The following TLK1 variants were observed in gnomAD, a reference collection of about 807,000 sequenced individuals.
The protein encoded by TLK1 is tousled like kinase 1.
Under a neutral mutation model 105.3 loss-of-function variants are expected in TLK1, and 24 were observed. That is an observed-to-expected ratio of 0.23 (90% CI 0.17 to 0.32). The LOEUF (loss-of-function observed/expected upper bound fraction) is 0.32. TLK1 is among the 10% of genes least tolerant of loss of function. TLK1 has a pLI of 1.00. For missense variants in TLK1, 558 were observed against 910.5 expected (o/e 0.61, Z 4.98); for synonymous variants, 321 against 310.4 (o/e 1.03, Z -0.36).
intron 11 of TLK1, among the ~76,000 whole-genome samples, chr2:171,037,861 G>C (rs527527687): frequency 6.6e-6 from 1 of 151,866 alleles, no homozygotes; most frequent in Non-Finnish European, 1.5e-5. Context: ...AGATTATGTC[G>C]GCCTCAGAAA....
chr2:171,086,361 C>T (rs1012052799), intron 2 of TLK1, among the ~76,000 whole-genome samples: 9 of 152,152 alleles, frequency 5.9e-5, no homozygotes, highest in Admixed American at 3.9e-4. Context: ...TGCAGTGGCT[C>T]GCGCCTGTAA....
intron 2 of TLK1, among the ~76,000 whole-genome samples, chr2:171,103,283 A>AT (rs964633208): frequency 2.5e-5 from 3 of 120,394 alleles, no homozygotes; most frequent in Admixed American, 1.6e-4. Flanking sequence ...TATATATATA[A>AT]TTTTTTTTGA....
chr2:171,007,163 A>G, intron 14 of TLK1, 100 bp from the exon 15 acceptor site: 1 of 849,590 alleles, frequency 1.2e-6, no homozygotes, highest in East Asian at 2.6e-5. Flanking sequence ...ATATGGAATT[A>G]GGACAAACCC....
intron 1 of TLK1, among the ~76,000 whole-genome samples, chr2:171,143,437 C>T (rs929356006): frequency 1.5e-5 from 2 of 134,082 alleles, no homozygotes; most frequent in African/African-American, 5.5e-5. Flanking sequence ...ACCCAGGAGG[C>T]AGAGGTTGCA....
At position 171,229,891 on chromosome 2, in the gene TLK1, C is replaced by T. The variant is rs111362525; in HGVS notation, c.-6+1254G>A. On this transcript the variant is annotated intron_variant, in intron 1 of 20. Transcript: ENST00000521943. The stretch of plus-strand genomic sequence containing the variant: ...AGACTTTCTGATTTTGCACAAAGCT[C>T]CAGGTTCTACCATGCACAAGGCCTT... Among the ~76,000 whole-genome samples, 948 of 152,274 alleles carry T rather than the reference C, an allele frequency of 6.2e-3. 3 individuals carry two copies. Among genetic ancestry groups the T allele is most frequent in the Non-Finnish European group, 0.011 (740 of 68,024 alleles).
intron 11 of TLK1, among the ~76,000 whole-genome samples, chr2:171,034,163 C>G (rs940297251): frequency 6.6e-6 from 1 of 152,076 alleles, no homozygotes; most frequent in Non-Finnish European, 1.5e-5. Flanking sequence ...AATTGTCATG[C>G]TGATGGGAAT....
At chr2:171,035,053 G>C (rs1156903889) in intron 11 of TLK1, among the ~76,000 whole-genome samples, 1 of 151,968 alleles carries the variant, frequency 6.6e-6, no homozygotes, top group Non-Finnish European at 1.5e-5. Context: ...AAAAAGGGGA[G>C]GTTCCAGCTG....
chr2:171,033,728 G>A (rs1686166648), intron 11 of TLK1, among the ~76,000 whole-genome samples: 1 of 146,310 alleles, frequency 6.8e-6, no homozygotes, highest in Admixed American at 6.8e-5. Context: ...CTGAAAGTAG[G>A]CAAACACCAC....
At chr2:171,134,257 C>T (rs1454223724) in intron 1 of TLK1, among the ~76,000 whole-genome samples, 1 of 152,046 alleles carries the variant, frequency 6.6e-6, no homozygotes, top group African/African-American at 2.4e-5. Context: ...ACTTTAAAAA[C>T]AATTATGGAA....
intron 1 of TLK1, among the ~76,000 whole-genome samples, chr2:171,134,721 T>C (rs566374135): frequency 9.1e-4 from 133 of 145,906 alleles, no homozygotes; most frequent in African/African-American, 3.0e-3. Flanking sequence ...TAATACTATT[T>C]GGCCTTTTTT....
intron 18 of TLK1, among the ~76,000 whole-genome samples, chr2:170,998,965 G>A (rs1443788219): frequency 6.6e-6 from 1 of 152,102 alleles, no homozygotes; most frequent in African/African-American, 2.4e-5. Context: ...ATAGTCTTGT[G>A]CTGTTGACCA....
At chr2:171,015,655 CAT>C (rs1685146685) in intron 12 of TLK1, among the ~76,000 whole-genome samples, 1 of 144,448 alleles carries the variant, frequency 6.9e-6, no homozygotes, top group African/African-American at 2.6e-5. Context: ...AACAAGTACA[CAT>C]ATCACTCATG....
At chr2:171,139,608 AAACAACAAC>A (rs545847770) in intron 1 of TLK1, among the ~76,000 whole-genome samples, 1 of 151,966 alleles carries the variant, frequency 6.6e-6, no homozygotes, top group African/African-American at 2.4e-5. Context: ...ACAAACAAAC[AAACAACAAC>A]AACAACAACA....
chr2:171,053,224 A>C (rs1418938145), intron 8 of TLK1, among the ~76,000 whole-genome samples: 1 of 152,210 alleles, frequency 6.6e-6, no homozygotes. Flanking sequence ...TTGGTCATAT[A>C]AATGTTATTA....
At chr2:171,010,132 T>C (rs1684838245) in intron 14 of TLK1, among the ~76,000 whole-genome samples, 1 of 152,134 alleles carries the variant, frequency 6.6e-6, no homozygotes, top group Admixed American at 6.5e-5. Flanking sequence ...GAAGAAGCCT[T>C]GAGCTAAGAG....
rs1684085486 is a variant in TLK1, at chr2:170,996,813, C to T, written c.2017-53G>A. Reference sequence around the variant, plus strand: ...ACTTTTCTCACAAAATATTTAAACACAGATATCATTTCTGTTTAAGCGAAT... The same window carrying T: ...ACTTTTCTCACAAAATATTTAAACATAGATATCATTTCTGTTTAAGCGAAT... On this transcript the variant is annotated intron_variant, in intron 19 of 20. Transcript: ENST00000431350. 4 of 1,454,448 alleles carry T rather than the reference C, an allele frequency of 2.8e-6. No homozygotes were observed. The Admixed American group carries it at 5.9e-5, about 22-fold the overall frequency. The allele number at this position is 1,454,448 out of a possible 1,614,324, so 90.1% of individuals were successfully genotyped here. A position where few individuals can be genotyped will look rare whatever the true frequency, so the allele number is the denominator to read the frequency against.
At chr2:171,086,405 T>C (rs1388612466) in intron 2 of TLK1, among the ~76,000 whole-genome samples, 1 of 152,072 alleles carries the variant, frequency 6.6e-6, no homozygotes, top group African/African-American at 2.4e-5. Flanking sequence ...ACAGGCAGAC[T>C]TCTTGAGGTC....
intron 1 of TLK1, among the ~76,000 whole-genome samples, chr2:171,228,291 T>C (rs1293613606): frequency 6.6e-6 from 1 of 152,204 alleles, no homozygotes; most frequent in African/African-American, 2.4e-5. Context: ...CTGTTAGGCA[T>C]GCCTGTAATC....
chr2:171,215,858 T>C (rs1167152943), intron 1 of TLK1, among the ~76,000 whole-genome samples: 1 of 152,162 alleles, frequency 6.6e-6, no homozygotes, highest in Non-Finnish European at 1.5e-5. Flanking sequence ...TTATTCCCTT[T>C]AACAATATGC....
Sources: allele counts gnomAD v4.1 joint callset (sites outside exome capture counted in the v4.1 genomes callset), GRCh38; gene constraint gnomAD v4.1.1; transcripts MANE v1.5; gene names NCBI Gene and HGNC (gene_info 2026-07-23, HGNC 2026-07-21).